Variants in UBAP2L observed in about 807,000 individuals in gnomAD.
UBAP2L encodes the protein ubiquitin-associated protein 2-like.
UBAP2L carries 12 observed loss-of-function variants against 130.6 expected under a neutral mutation model. The ratio of observed to expected loss-of-function variants is 0.09; its 90% CI spans 0.06 to 0.15. UBAP2L has a LOEUF of 0.15. Among genes scored for constraint, UBAP2L ranks in the 10% least tolerant of loss-of-function variants. The pLI, the probability that UBAP2L is intolerant of heterozygous loss-of-function variation, is 1.00. For missense variants in UBAP2L, 965 were observed against 1,332.5 expected, an observed-to-expected ratio of 0.72 and a Z score of 4.29; for synonymous variants, 503 against 524.7, an observed-to-expected ratio of 0.96 and a Z score of 0.57.
intron 3 of UBAP2L, 108 bp downstream of exon 3, chr1:154,227,467 A>G (rs1668339705): frequency 2.1e-6 from 2 of 974,512 alleles, no homozygotes; most frequent in East Asian, 5.0e-5. Flanking sequence ...TAGGTATTGA[A>G]AGAATTTTGA....
chr1:154,246,143 T>C, intron 10 of UBAP2L, 61 bp from the exon 11 acceptor site: 3 of 1,526,448 alleles, frequency 2.0e-6, no homozygotes, highest in Non-Finnish European at 2.7e-6. Flanking sequence ...CTGATTTGAG[T>C]GTTGGGGAAT....
At chr1:154,237,689 G>C (rs1490008136) in intron 8 of UBAP2L, among the ~76,000 whole-genome samples, 1 of 152,130 alleles carries the variant, frequency 6.6e-6, no homozygotes, top group Admixed American at 6.5e-5. Context: ...GTCAGTATCT[G>C]AACAAGAAGA....
Position 154,234,616 on chromosome 1 carries a change from A to C in UBAP2L, c.305A>C (p.Lys102Thr). Residue 102 changes from lysine (K) to threonine (T), a missense_variant, in exon 5 of 27, where the codon AAG (lysine) becomes ACG (threonine). Physicochemically the swap from Lys to Thr is moderately conservative, Grantham distance 78. Around this residue, in one of 9 missense-constraint regions of UBAP2L, gnomAD observed 34 missense variants for 101.4 expected, o/e 0.34. Transcript: ENST00000428931. ...DTHSWEMVGK[K>T]KGVSGQKDGG... Reference sequence around the variant, plus strand: ...CATTCCTGGGAGATGGTCGGGAAGAAGAAGGGAGTCTCAGGCCAGAAGGAT... The same window carrying C: ...CATTCCTGGGAGATGGTCGGGAAGACGAAGGGAGTCTCAGGCCAGAAGGAT... The C allele has an allele frequency of 6.2e-7, 1 of 1,614,106 alleles. No homozygotes were observed.
chr1:154,234,424 GAT>G, intron 4 of UBAP2L, among the ~76,000 whole-genome samples, 165 bp from the exon 5 acceptor site: 1 of 152,114 alleles, frequency 6.6e-6, no homozygotes, highest in South Asian at 2.1e-4. Context: ...TTTTTGTAGT[GAT>G]ATGTATAAAA....
chr1:154,250,480 G>A (rs1677190123), intron 12 of UBAP2L, among the ~76,000 whole-genome samples: 1 of 152,140 alleles, frequency 6.6e-6, no homozygotes, highest in Non-Finnish European at 1.5e-5. Context: ...ATGAGAACTT[G>A]CGGTACTTTA....
At chr1:154,230,997 C>A (rs1669663678) in intron 4 of UBAP2L, among the ~76,000 whole-genome samples, 1 of 152,152 alleles carries the variant, frequency 6.6e-6, no homozygotes, top group Non-Finnish European at 1.5e-5. Flanking sequence ...CCAGAGTGTT[C>A]CTGGTGTATA....
At chr1:154,244,362 C>T (rs983295807) in intron 10 of UBAP2L, among the ~76,000 whole-genome samples, 2 of 152,012 alleles carry the variant, frequency 1.3e-5, no homozygotes, top group Non-Finnish European at 2.9e-5. Context: ...TTTTACTTGC[C>T]GTTACTGTTT....
At chr1:154,253,846 G>C in intron 14 of UBAP2L, 54 bp from the exon 15 acceptor site, 1 of 1,563,898 alleles carries the variant, frequency 6.4e-7, no homozygotes, top group Non-Finnish European at 8.8e-7. Context: ...TCCTTAGTAT[G>C]AGTAGATATG....
At chr1:154,227,661 T>C (rs1342296023) in intron 3 of UBAP2L, among the ~76,000 whole-genome samples, 1 of 151,850 alleles carries the variant, frequency 6.6e-6, no homozygotes, top group African/African-American at 2.4e-5. Flanking sequence ...ATTCTCGTGC[T>C]TCAGCCTCCC....
rs747256352 is a variant in UBAP2L, at chr1:154,251,569, C to G, written c.1580C>G (p.Pro527Arg). The G allele has an allele frequency of 1.2e-6, 2 of 1,614,114 alleles. No individual in the cohort carries two copies. Among genetic ancestry groups the G allele is most frequent in the Non-Finnish European group, 1.7e-6 (2 of 1,180,018 alleles). Residue 527 changes from proline (P) to arginine (R), a missense_variant, in exon 14 of 27, where the codon CCT becomes CGT. Pro to Arg is a moderately radical substitution (Grantham distance 103, BLOSUM62 -2). This residue lies in a region of UBAP2L where 393 missense variants were observed against 408.1 expected (regional missense o/e 0.96). Coordinates refer to ENST00000428931, the MANE Select transcript of UBAP2L (RefSeq NM_014847.4). ...GGGGCATTGCAGTTTGGGTCAGAGC[C>G]TGTCCTTTCTGATTATGAGTCCACC... is the stretch of plus-strand genomic sequence containing the variant. ...QFGALQFGSEPVLSDYESTPT... is the reference protein window; with the variant it reads ...QFGALQFGSERVLSDYESTPT...
chr1:154,251,251 C>T lies in UBAP2L; in HGVS notation c.1424C>T (p.Ser475Phe). The T allele has an allele frequency of 6.2e-7, 1 of 1,614,200 alleles. No homozygotes were observed. Among genetic ancestry groups the T allele is most frequent in the East Asian group, 2.2e-5 (1 of 44,884 alleles). Residue 475 changes from serine (S) to phenylalanine (F), a missense_variant, in exon 13 of 27, where the codon TCC (serine) becomes TTC (phenylalanine). Ser to Phe is a radical substitution (Grantham distance 155). Transcript: ENST00000428931. ...TCGCCTGGATCTTCAGACAACCAGT[C>T]CTCTAGCCCTCAGCCGGCTCAGCAG... is the stretch of plus-strand genomic sequence containing the variant. ...QMSPGSSDNQSSSPQPAQQKL... is the reference protein window; with the variant it reads ...QMSPGSSDNQFSSPQPAQQKL...
chr1:154,250,715 A>G (rs1571850172), intron 12 of UBAP2L, among the ~76,000 whole-genome samples: 1 of 151,948 alleles, frequency 6.6e-6, no homozygotes, highest in East Asian at 1.9e-4. Context: ...TTAGCCAGGC[A>G]TGGTGGCGCG....
At chr1:154,267,534 C>G (rs1452933167) in intron 25 of UBAP2L, among the ~76,000 whole-genome samples, 2 of 140,978 alleles carry the variant, frequency 1.4e-5, no homozygotes, top group African/African-American at 2.7e-5. Context: ...GAGACAGTCT[C>G]AAGAAGTCAC....
At chr1:154,225,299 G>T in intron 2 of UBAP2L, 86 bp downstream of exon 2, 3 of 1,460,846 alleles carry the variant, frequency 2.1e-6, no homozygotes, top group Non-Finnish European at 2.8e-6. Flanking sequence ...TCTGTGCTTT[G>T]AACTGTTGGT....
At chr1:154,244,382 TG>T (rs1216981550) in intron 10 of UBAP2L, among the ~76,000 whole-genome samples, 5 of 152,194 alleles carry the variant, frequency 3.3e-5, no homozygotes, top group Non-Finnish European at 7.3e-5. Context: ...TTTTTGTTTT[TG>T]TTTTTGAGAC....
chr1:154,268,819 A>G lies in UBAP2L; in HGVS notation c.3033A>G (p.Ser1011=). The change falls in exon 26 of 27, where the codon TCA becomes TCG. Residue 1011 remains serine (S), a synonymous_variant. Coordinates refer to ENST00000428931, the MANE Select transcript of UBAP2L (RefSeq NM_014847.4). ...CTGCTGCTTCCTTCAACTTGCCTTC[A>G]GCCCTAGGAAGTGGGGGCCCCATCA... is the stretch of plus-strand genomic sequence containing the variant. ...GTPAASFNLP[S]ALGSGGPINP... is the part of the protein sequence containing the mutation. 1 of 1,614,086 alleles carries G rather than the reference A, an allele frequency of 6.2e-7. No homozygotes were observed. The highest frequency in any genetic ancestry group is 1.3e-5 in the African/African-American group (1 of 75,002).
intron 8 of UBAP2L, among the ~76,000 whole-genome samples, chr1:154,239,066 A>G (rs1558151844): frequency 6.6e-6 from 1 of 151,958 alleles, no homozygotes; most frequent in East Asian, 1.9e-4. Context: ...ATATGAACAT[A>G]CCTTCATGCA....
chr1:154,226,443 G>A (rs998061500), intron 2 of UBAP2L, among the ~76,000 whole-genome samples: 4 of 152,144 alleles, frequency 2.6e-5, no homozygotes, highest in African/African-American at 4.8e-5. Context: ...CAGATAAATC[G>A]AATATGTAAG....
At chr1:154,236,705 G>A in intron 7 of UBAP2L, 94 bp downstream of exon 7, 1 of 1,372,274 alleles carries the variant, frequency 7.3e-7, no homozygotes, top group East Asian at 2.3e-5. Context: ...TTCTAGACTG[G>A]TCAGAAAGAT....
Sources: gnomAD v4.1 joint callset for allele counts (sites outside exome capture counted in the v4.1 genomes callset) on GRCh38, gnomAD v4.1.1 for gene constraint, gnomAD v4.1.1 regional missense constraint, MANE v1.5 for transcripts, NCBI Gene and HGNC (gene_info 2026-07-23, HGNC 2026-07-21) for gene names.